The following PAPPA variants were observed in gnomAD, a reference collection of about 807,000 sequenced individuals.
PAPPA encodes the protein pappalysin 1, also known as pappalysin-1.
A neutral mutation model predicts 164.0 loss-of-function variants in PAPPA; 60 were observed. That is an observed-to-expected ratio of 0.37 (90% CI 0.30 to 0.45). The LOEUF is 0.45. Ranked by LOEUF, PAPPA falls within the 20% of genes least tolerant of loss-of-function variation. The probability of loss-of-function intolerance (pLI) is 1.00; values close to 1 mark genes in which losing one functional copy is unlikely to be tolerated. For missense variants in PAPPA, 1,782 were observed against 2,087.3 expected (o/e 0.85, Z 2.85); for synonymous variants, 875 against 814.1 (o/e 1.07, Z -1.27).
At chr9:116,196,744 C>G (rs1587947446) in intron 2 of PAPPA, among the ~76,000 whole-genome samples, 1 of 152,256 alleles carries the variant, frequency 6.6e-6, no homozygotes, top group Non-Finnish European at 1.5e-5. Flanking sequence ...CTGTCTTCCT[C>G]CTTTCTCCTT....
rs1844397897 is a variant in PAPPA, at chr9:116,218,056, ATGTT to A, written c.1919-1878_1919-1875del. 4.6e-5 allele frequency among the ~76,000 whole-genome samples: 7 copies of A among 152,308 alleles called. No homozygotes were observed. The South Asian group carries it at 1.2e-3, about 27-fold the overall frequency. The stretch of plus-strand genomic sequence containing the variant: ...TTTCCTTGCAATAGGGAGCCATAGA[ATGTT>A]TGGTATTCAGGAGTTACATGGTGGG... On this transcript the variant is annotated intron_variant, in intron 4 of 21. Coordinates refer to ENST00000328252, the MANE Select transcript of PAPPA (RefSeq NM_002581.5).
intron 7 of PAPPA, among the ~76,000 whole-genome samples, chr9:116,263,254 G>C (rs545011872): frequency 8.5e-5 from 13 of 152,118 alleles, no homozygotes; most frequent in Admixed American, 1.3e-4. Flanking sequence ...GACGTTACAG[G>C]GACACAGATT....
At chr9:116,232,562 T>A (rs756695508) in intron 6 of PAPPA, among the ~76,000 whole-genome samples, 9 of 152,204 alleles carry the variant, frequency 5.9e-5, no homozygotes, top group Non-Finnish European at 1.3e-4. Flanking sequence ...GAGTCTCAGT[T>A]TCCTCTTCTG....
At chr9:116,380,099 C>T (rs895809977) in intron 20 of PAPPA, among the ~76,000 whole-genome samples, 1 of 152,182 alleles carries the variant, frequency 6.6e-6, no homozygotes, top group Non-Finnish European at 1.5e-5. Flanking sequence ...ACCTCTTCTC[C>T]ATAGCTCTTA....
rs1412023894 is a variant in PAPPA at position 116,367,742 on chromosome 9, C to T, written c.4593C>T (p.Pro1531=). 4 of 1,612,312 alleles carry T rather than the reference C, an allele frequency of 2.5e-6. No individual in the cohort carries two copies. The highest frequency in any genetic ancestry group is 3.4e-6 in the Non-Finnish European group (4 of 1,178,470). The change falls in exon 19 of 22, where the codon CCC becomes CCT. Residue 1531 remains proline, a synonymous_variant. Transcript: ENST00000328252. ...TVRDIPHWLN[P]TRVERVVCTA... Reference sequence around the variant, plus strand: ...GTGACATCCCCCACTGGCTGAACCCCACACGGGTAGAGGTGAGTGACCAGG... The same window carrying T: ...GTGACATCCCCCACTGGCTGAACCCTACACGGGTAGAGGTGAGTGACCAGG...
intron 5 of PAPPA, among the ~76,000 whole-genome samples, chr9:116,222,741 G>C (rs1456444972): frequency 6.6e-6 from 1 of 152,140 alleles, no homozygotes; most frequent in Non-Finnish European, 1.5e-5. Flanking sequence ...TAAAGTTTCA[G>C]GTAGATGGGA....
At chr9:116,261,471 C>A (rs1252734359) in intron 7 of PAPPA, among the ~76,000 whole-genome samples, 2 of 152,094 alleles carry the variant, frequency 1.3e-5, no homozygotes, top group African/African-American at 4.8e-5. Context: ...TGGTATGGGA[C>A]AAGAATCAAA....
intron 20 of PAPPA, 73 bp downstream of exon 20, chr9:116,377,720 A>G (rs1846674083): frequency 8.6e-7 from 1 of 1,159,824 alleles, no homozygotes. Context: ...TGTTATATTA[A>G]TGTTGGCTAT....
intron 19 of PAPPA, among the ~76,000 whole-genome samples, chr9:116,369,956 A>G (rs1271299866): frequency 6.6e-6 from 1 of 152,178 alleles, no homozygotes; most frequent in Non-Finnish European, 1.5e-5. Flanking sequence ...GATGATTTCC[A>G]GGAATAAGGC....
At chr9:116,339,444 A>G (rs1334339381) in intron 13 of PAPPA, among the ~76,000 whole-genome samples, 2 of 152,040 alleles carry the variant, frequency 1.3e-5, no homozygotes, top group African/African-American at 4.8e-5. Context: ...ACCACACCAC[A>G]ATACACTGGC....
chr9:116,181,045 A>G (rs1843898670), intron 1 of PAPPA, among the ~76,000 whole-genome samples: 1 of 152,198 alleles, frequency 6.6e-6, no homozygotes, highest in South Asian at 2.1e-4. Context: ...TCTTTCTAAT[A>G]CACCTTGCTC....
chr9:116,213,607 G>A (rs1844335983), intron 4 of PAPPA, among the ~76,000 whole-genome samples: 2 of 152,076 alleles, frequency 1.3e-5, no homozygotes, highest in African/African-American at 4.8e-5. Flanking sequence ...AAGTTTGGAA[G>A]TTTGCCGGCC....
intron 10 of PAPPA, among the ~76,000 whole-genome samples, chr9:116,321,868 C>T (rs1157383767): frequency 6.6e-6 from 1 of 152,100 alleles, no homozygotes; most frequent in East Asian, 1.9e-4. Context: ...GATGGACAAA[C>T]AAGAAACCAT....
intron 9 of PAPPA, among the ~76,000 whole-genome samples, chr9:116,290,972 A>G (rs1449101190): frequency 6.6e-6 from 1 of 152,016 alleles, no homozygotes; most frequent in African/African-American, 2.4e-5. Context: ...CTTGGCTGCT[A>G]TATAATTCAT....
At position 116,323,607 on chromosome 9, in the gene PAPPA, T is replaced by C. The variant is rs538620526; in HGVS notation, c.3148-7637T>C. Among the ~76,000 whole-genome samples the C allele has an allele frequency of 5.9e-5, 9 of 152,296 alleles. No homozygotes were observed. In the South Asian group the frequency reaches 1.9e-3, roughly 32 times the overall value. On this transcript the variant is annotated intron_variant, in intron 10 of 21. Transcript: ENST00000328252. ...TTGCTAGAAAGGCTGCAGTAAACTT[T>C]TATGTTACTGTTCTGATTGTCTTTG...
At chr9:116,368,443 G>T (rs922878301) in intron 19 of PAPPA, among the ~76,000 whole-genome samples, 1 of 152,202 alleles carries the variant, frequency 6.6e-6, no homozygotes, top group African/African-American at 2.4e-5. Flanking sequence ...ACCCAAACCT[G>T]AGTCTGAGCC....
At chr9:116,309,710 G>A (rs1845692164) in intron 10 of PAPPA, among the ~76,000 whole-genome samples, 1 of 152,256 alleles carries the variant, frequency 6.6e-6, no homozygotes, top group Admixed American at 6.5e-5. Flanking sequence ...AATAATAGAT[G>A]AAGGGGAAGT....
chr9:116,228,120 T>G (rs1469858168), intron 6 of PAPPA, among the ~76,000 whole-genome samples: 2 of 152,232 alleles, frequency 1.3e-5, no homozygotes, highest in Non-Finnish European at 2.9e-5. Context: ...GACTCTTCCC[T>G]GCTCAGGGTT....
At chr9:116,369,770 C>T in intron 19 of PAPPA, among the ~76,000 whole-genome samples, 1 of 151,734 alleles carries the variant, frequency 6.6e-6, no homozygotes, top group Non-Finnish European at 1.5e-5. Context: ...CATTGCCCAC[C>T]CGCTGCCTGC....
Sources: allele counts gnomAD v4.1 joint callset (sites outside exome capture counted in the v4.1 genomes callset), GRCh38; gene constraint gnomAD v4.1.1; transcripts MANE v1.5; gene names NCBI Gene and HGNC (gene_info 2026-07-23, HGNC 2026-07-21).